Variants in MYRIP observed in about 807,000 individuals in gnomAD.
MYRIP encodes myosin VIIA and Rab interacting protein, also known as rab effector MyRIP.
MYRIP carries 49 observed loss-of-function variants against 98.0 expected under a neutral mutation model. The observed-to-expected ratio is 0.50, with a 90% CI of 0.40 to 0.63. The LOEUF (loss-of-function observed/expected upper bound fraction) is 0.63. Among genes scored for constraint, MYRIP ranks in the 30% least tolerant of loss-of-function variants. The pLI, the probability that MYRIP is intolerant of heterozygous loss-of-function variation, is 0.00. For synonymous variants in MYRIP, 404 were observed against 409.5 expected, an observed-to-expected ratio of 0.99 and a Z score of 0.16; for missense variants, 1,004 against 1,058.2, an observed-to-expected ratio of 0.95 and a Z score of 0.71.
chr3:40,199,341 G>A (rs1240895366), intron 10 of MYRIP, among the ~76,000 whole-genome samples: 1 of 152,162 alleles, frequency 6.6e-6, no homozygotes, highest in Non-Finnish European at 1.5e-5. Context: ...AGGCTGATGA[G>A]GGGCCAAAAT....
chr3:40,054,573 C>G (rs1947847461), intron 3 of MYRIP, among the ~76,000 whole-genome samples: 2 of 152,112 alleles, frequency 1.3e-5, no homozygotes, highest in African/African-American at 4.8e-5. Context: ...TGAGCCTTAT[C>G]CAATCCACTA....
At chr3:40,042,268 T>C (rs1282682304) in intron 2 of MYRIP, among the ~76,000 whole-genome samples, 3 of 118,388 alleles carry the variant, frequency 2.5e-5, no homozygotes, top group Non-Finnish European at 5.3e-5. Flanking sequence ...AAAGCAAGCA[T>C]ATAATAAAGA....
At chr3:40,209,384 T>G (rs116553936) in intron 10 of MYRIP, 3,002 of 153,664 alleles carry the variant, frequency 0.02, 89 homozygotes, top group African/African-American at 0.067. Context: ...GATATCTTAA[T>G]TATCCTGATT....
At chr3:40,096,941 G>A (rs1432669100) in intron 3 of MYRIP, among the ~76,000 whole-genome samples, 9 of 152,158 alleles carry the variant, frequency 5.9e-5, no homozygotes, top group Non-Finnish European at 1.2e-4. Flanking sequence ...TCCGCCCATC[G>A]TCCTAACTCC....
intron 7 of MYRIP, among the ~76,000 whole-genome samples, chr3:40,168,494 C>T (rs1950545294): frequency 6.6e-6 from 1 of 152,224 alleles, no homozygotes; most frequent in Non-Finnish European, 1.5e-5. Context: ...ACTGAACACA[C>T]ACCGCTTTCC....
intron 10 of MYRIP, among the ~76,000 whole-genome samples, chr3:40,201,289 A>G (rs1951553055): frequency 6.6e-6 from 1 of 152,210 alleles, no homozygotes; most frequent in South Asian, 2.1e-4. Flanking sequence ...AACAAATAGC[A>G]TAGTCTAATT....
At chr3:40,056,219 C>T (rs1268431239) in intron 3 of MYRIP, among the ~76,000 whole-genome samples, 1 of 152,174 alleles carries the variant, frequency 6.6e-6, no homozygotes, top group East Asian at 1.9e-4. Context: ...CAAGGGGATA[C>T]TTCCCTTGCC....
intron 3 of MYRIP, among the ~76,000 whole-genome samples, chr3:40,096,746 G>A (rs57351359): frequency 0.027 from 4,148 of 152,276 alleles, 200 homozygotes; most frequent in African/African-American, 0.091. Context: ...AGAGCAGCAG[G>A]GCTGAGAGCG....
At chr3:40,182,544 G>A (rs1950909226) in intron 9 of MYRIP, among the ~76,000 whole-genome samples, 171 bp downstream of exon 9, 1 of 152,180 alleles carries the variant, frequency 6.6e-6, no homozygotes, top group South Asian at 2.1e-4. Context: ...AATATATAAT[G>A]TGGTCATGTT....
chr3:39,835,415 G>T (rs1488145680), intron 1 of MYRIP, among the ~76,000 whole-genome samples: 1 of 151,890 alleles, frequency 6.6e-6, no homozygotes, highest in African/African-American at 2.4e-5. Context: ...GACAGAGATT[G>T]GCAGATTTTT....
intron 2 of MYRIP, among the ~76,000 whole-genome samples, chr3:39,913,303 A>G (rs965390032): frequency 6.6e-6 from 1 of 152,184 alleles, no homozygotes; most frequent in East Asian, 1.9e-4. Context: ...TCTATAGAGG[A>G]TGAGATTCAC....
intron 3 of MYRIP, among the ~76,000 whole-genome samples, chr3:40,083,979 T>G (rs576124953): frequency 6.4e-4 from 96 of 150,558 alleles, no homozygotes; most frequent in African/African-American, 2.2e-3. Flanking sequence ...CTACGAAAAA[T>G]ACAAAAAATT....
intron 2 of MYRIP, among the ~76,000 whole-genome samples, chr3:40,025,608 G>C (rs558287047): frequency 6.6e-6 from 1 of 152,204 alleles, no homozygotes; most frequent in Non-Finnish European, 1.5e-5. Context: ...TTTCAATGTA[G>C]GTTCTTTCTA....
At chr3:39,942,138 A>G (rs1215991863) in intron 2 of MYRIP, among the ~76,000 whole-genome samples, 1 of 152,124 alleles carries the variant, frequency 6.6e-6, no homozygotes, top group Middle Eastern at 3.2e-3. Context: ...ACACCATAAC[A>G]ATGTTAGCAA....
intron 10 of MYRIP, among the ~76,000 whole-genome samples, chr3:40,207,329 C>G (rs971377596): frequency 6.6e-6 from 1 of 152,166 alleles, no homozygotes; most frequent in African/African-American, 2.4e-5. Context: ...TGAGAACCTG[C>G]TCAGAGGTCA....
chr3:39,955,909 C>T (rs1358930684), intron 2 of MYRIP, among the ~76,000 whole-genome samples: 2 of 152,000 alleles, frequency 1.3e-5, no homozygotes, highest in Non-Finnish European at 2.9e-5. Context: ...TTTAAATCAA[C>T]AAAGATCAAA....
intron 3 of MYRIP, among the ~76,000 whole-genome samples, chr3:40,052,563 T>A (rs1471520110): frequency 6.6e-6 from 1 of 152,150 alleles, no homozygotes; most frequent in Non-Finnish European, 1.5e-5. Flanking sequence ...AGTGGCACTC[T>A]TTTCCATTGC....
intron 1 of MYRIP, among the ~76,000 whole-genome samples, chr3:39,875,799 GA>G (rs1211553989): frequency 1.3e-5 from 2 of 151,608 alleles, no homozygotes; most frequent in East Asian, 1.9e-4. Flanking sequence ...GTGTGGTGCT[GA>G]AAAAAATGTA....
intron 1 of MYRIP, among the ~76,000 whole-genome samples, chr3:39,885,566 C>G (rs1449709528): frequency 6.6e-6 from 1 of 152,078 alleles, no homozygotes; most frequent in Non-Finnish European, 1.5e-5. Flanking sequence ...TGGGGAAGTT[C>G]TCCTGGATAA....
Sources: allele counts gnomAD v4.1 joint callset (sites outside exome capture counted in the v4.1 genomes callset), GRCh38; gene constraint gnomAD v4.1.1; transcripts MANE v1.5; gene names NCBI Gene and HGNC (gene_info 2026-07-23, HGNC 2026-07-21).